Variants in NEURL3 observed in about 807,000 individuals in gnomAD.
The protein encoded by NEURL3 is neuralized E3 ubiquitin protein ligase 3.
In NEURL3, 19 loss-of-function variants were observed where a neutral mutation model predicts 17.6. The ratio of observed to expected loss-of-function variants is 1.08; its 90% CI spans 0.75 to 1.58. The LOEUF is 1.58. NEURL3 is among the 40% of genes most tolerant of loss of function. The probability of loss-of-function intolerance (pLI) is 0.00; values close to 1 mark genes in which losing one functional copy is unlikely to be tolerated. For missense variants in NEURL3, 342 were observed against 379.6 expected (o/e 0.90, Z 0.82); for synonymous variants, 180 against 161.4 (o/e 1.11, Z -0.87).
Position 96,500,672 on chromosome 2 carries a change from G to A in NEURL3, c.281C>T (p.Pro94Leu), listed in dbSNP as rs2065495507. The A allele has an allele frequency of 1.3e-6, 2 of 1,518,166 alleles. No individual in the cohort carries two copies. Among genetic ancestry groups the A allele is most frequent in the East Asian group, 2.5e-5 (1 of 40,076 alleles). The allele number at this position is 1,518,166 out of a possible 1,614,324, so 94.0% of individuals were successfully genotyped here. A position where few individuals can be genotyped will look rare whatever the true frequency, so the allele number is the denominator to read the frequency against. ...CTCCAGGTCGGGGCACAGGAAGGGCGGCAGGCTGGGCACGGACACGCACGC... is the reference window on the plus strand; with the variant it reads ...CTCCAGGTCGGGGCACAGGAAGGGCAGCAGGCTGGGCACGGACACGCACGC... ...DPACVSVPSLPPFLCPDLEEQ... is the reference protein window; with the variant it reads ...DPACVSVPSLLPFLCPDLEEQ... Residue 94 changes from proline to leucine, a missense_variant, in exon 2 of 4, where the codon CCG (proline) becomes CTG (leucine). Coordinates refer to ENST00000451794, the MANE Select transcript of NEURL3 (RefSeq NM_001285485.2).
chr2:96,498,172 G>A lies in NEURL3; in HGVS notation c.*72C>T, dbSNP rs1005708228. On this transcript the variant is annotated 3_prime_UTR_variant, in exon 4 of 4. Coordinates refer to ENST00000451794, the MANE Select transcript of NEURL3 (RefSeq NM_001285485.2). The surrounding 1 kb of genome is among the most constrained non-coding windows in gnomAD (Gnocchi z 4.4). ...TTCCCCAGAAAGAAGGTAGGGCTGC[G>A]CCTCCTTCCTCTCTGCAGGGGCCAG... The A allele has an allele frequency of 8.7e-6, 12 of 1,376,680 alleles. No individual in the cohort carries two copies. In the African/African-American group the frequency reaches 8.7e-5, roughly 10 times the overall value. The allele number at this position is 1,376,680 out of a possible 1,614,324, so 85.3% of individuals were successfully genotyped here. A position where few individuals can be genotyped will look rare whatever the true frequency, so the allele number is the denominator to read the frequency against.
At chr2:96,499,160 T>C (rs2065472399) in intron 3 of NEURL3, 1 of 1,342,654 alleles carries the variant, frequency 7.4e-7, no homozygotes, top group Admixed American at 3.2e-5. Flanking sequence ...AATAACACTG[T>C]CTGTTCATAA....
rs1018118199 is a variant in NEURL3 at position 96,505,179 on chromosome 2, A to G, written c.28+80T>C. Reference sequence around the variant, plus strand: ...TTTACACTGACCACATCTCTACTCCAGCAATGACACAGAGCACCCTCTGCT... The same window carrying G: ...TTTACACTGACCACATCTCTACTCCGGCAATGACACAGAGCACCCTCTGCT... On this transcript the variant is annotated intron_variant, in intron 1 of 3. Transcript: ENST00000451794. 7 of 1,537,646 alleles carry G rather than the reference A, an allele frequency of 4.6e-6. No individual in the cohort carries two copies. In the African/African-American group the frequency reaches 6.8e-5, roughly 15 times the overall value.
At position 96,499,456 on chromosome 2, in the gene NEURL3, CA is replaced by C; in HGVS notation, c.515-8del. On this transcript the variant is annotated splice_region_variant and splice_polypyrimidine_tract_variant and intron_variant, in intron 2 of 3. Transcript: ENST00000451794. ...AGCCGGCTGGCTGTGGGATCTGAGG[CA>C]GAGAGAGAAACTCAGGTCCAGGACG... The C allele has an allele frequency of 6.3e-7, 1 of 1,599,426 alleles. No homozygotes were observed. The highest frequency in any genetic ancestry group is 8.5e-7 in the Non-Finnish European group (1 of 1,179,722).
chr2:96,499,031 G>C (rs541712720), intron 3 of NEURL3: 1 of 251,872 alleles, frequency 4.0e-6, no homozygotes, highest in Admixed American at 6.5e-5. Context: ...TCCTGCCTCG[G>C]CCTCCCAAAG....
Position 96,498,368 on chromosome 2 carries a change from A to G in NEURL3, c.665T>C (p.Phe222Ser), listed in dbSNP as rs781229127. 1.2e-4 allele frequency: 184 copies of G among 1,599,486 alleles called. No individual in the cohort carries two copies. The Middle Eastern group carries it at 1.5e-3, about 13-fold the overall frequency. The change falls in exon 4 of 4, where the codon TTC becomes TCC. Residue 222 changes from phenylalanine (F) to serine (S), a missense_variant. Physicochemically the swap from Phe to Ser is radical, Grantham distance 155. Coordinates refer to ENST00000451794, the MANE Select transcript of NEURL3 (RefSeq NM_001285485.2). This position sits in a 1 kb window ranked among gnomAD's most constrained non-coding sequence, Gnocchi z 4.4. ...TRLVPCGHTYFCRYCAWRVFS... is the reference protein window; with the variant it reads ...TRLVPCGHTYSCRYCAWRVFS... ...GACCCGCCAGGCACAGTATCTGCAGAAGTATGTGTGGCCGCAGGGCACAAG... is the reference window on the plus strand; with the variant it reads ...GACCCGCCAGGCACAGTATCTGCAGGAGTATGTGTGGCCGCAGGGCACAAG...
rs3731938 is a variant in NEURL3, at chr2:96,500,467, A to G, written c.486T>C (p.Tyr162=). 0.66 allele frequency: 1,054,372 copies of G among 1,596,036 alleles called. 352,840 individuals carry two copies. The highest frequency in any genetic ancestry group is 0.88 in the South Asian group (79,688 of 90,738). ...GCAGCTCGATGGCCTTAGTGGTCCC[A>G]TACACGTCCATCACGGCCCAGAGCG... ...GAPLWAVMDV[Y]GTTKAIELLD... Residue 162 remains tyrosine (Y), a synonymous_variant, in exon 2 of 4, where the codon TAT becomes TAC. Transcript: ENST00000451794.
At chr2:96,504,877 C>CAAAAAAAAAATAAAAA (rs2065546882) in intron 1 of NEURL3, among the ~76,000 whole-genome samples, 1 of 55,280 alleles carries the variant, frequency 1.8e-5, no homozygotes, top group African/African-American at 6.3e-5. Flanking sequence ...GACTCCGTCT[C>CAAAAAAAAAATAAAAA]AAAAAAAAAA....
chr2:96,500,853 G>A lies in NEURL3; in HGVS notation c.100C>T (p.Arg34Cys), dbSNP rs1318864484. 6.5e-7 allele frequency: 1 copy of A among 1,534,532 alleles called. No homozygotes were observed. Among genetic ancestry groups the A allele is most frequent in the Admixed American group, 1.9e-5 (1 of 51,378 alleles). ...AKGAQVRLDT[R>C]GCIAHRRTTF... ...GTGCGCCTGTGCGCGATGCAGCCAC[G>A]CGTGTCCAGACGCACCTGTGCGCCC... Residue 34 changes from arginine (R) to cysteine (C), a missense_variant, in exon 2 of 4, where the codon CGT becomes TGT. Transcript: ENST00000451794.
In NEURL3 at chr2:96,500,719, C is replaced by T. The variant is rs1201039480; in HGVS notation, c.234G>A (p.Val78=). 6.6e-7 allele frequency: 1 copy of T among 1,516,518 alleles called. No individual in the cohort carries two copies. The highest frequency in any genetic ancestry group is 8.8e-7 in the Non-Finnish European group (1 of 1,138,556). 93.9% of individuals were successfully genotyped at this position (1,516,518 alleles called of 1,614,324 possible). ...EESGWCGGLR[V]GFTRLDPACV... ...ACGCGGGGTCCAGGCGCGTGAAGCC[C>T]ACGCGGAGGCCGCCGCACCAGCCGC... is the stretch of plus-strand genomic sequence containing the variant. The change falls in exon 2 of 4, where the codon GTG becomes GTA. Residue 78 remains valine, a synonymous_variant. Transcript: ENST00000451794.
chr2:96,500,141 C>T (rs2065487235), intron 2 of NEURL3: 1 of 429,372 alleles, frequency 2.3e-6, no homozygotes, highest in African/African-American at 2.1e-5. Context: ...GCTGCAAAGC[C>T]AGCCCAAATG....
chr2:96,500,011 T>C (rs142905774), intron 2 of NEURL3: 45 of 197,364 alleles, frequency 2.3e-4, no homozygotes, highest in African/African-American at 9.2e-4. Context: ...GGCTCTCTTT[T>C]CCCCCCCACT....
Position 96,498,119 on chromosome 2 carries a change from A to G in NEURL3, c.*125T>C. On this transcript the variant is annotated 3_prime_UTR_variant, in exon 4 of 4. Coordinates refer to ENST00000451794, the MANE Select transcript of NEURL3 (RefSeq NM_001285485.2). This position sits in a 1 kb window ranked among gnomAD's most constrained non-coding sequence, Gnocchi z 4.4. ...CTCCCTGCCTTCCTCTCTCTGCCGC[A>G]CCTCTTGCTAATCAGCCTTTCTGAC... The G allele has an allele frequency of 1.0e-6, 1 of 995,736 alleles. No individual in the cohort carries two copies. Among genetic ancestry groups the G allele is most frequent in the Non-Finnish European group, 1.4e-6 (1 of 699,052 alleles). 61.7% of individuals were successfully genotyped at this position (995,736 alleles called of 1,614,324 possible).
chr2:96,504,886 A>AAAAAAAAAAAAAAAAAAAAG, intron 1 of NEURL3, among the ~76,000 whole-genome samples: 1 of 148,504 alleles, frequency 6.7e-6, no homozygotes, highest in Non-Finnish European at 1.5e-5. Flanking sequence ...TCAAAAAAAA[A>AAAAAAAAAAAAAAAAAAAAG]AAAAAAAAAA....
intron 2 of NEURL3, chr2:96,500,235 A>G (rs2065488160): frequency 1.5e-6 from 1 of 650,458 alleles, no homozygotes. Context: ...TCTGCTTATC[A>G]TTCTTTAGGG....
Position 96,500,503 on chromosome 2 carries a change from G to A in NEURL3, c.450C>T (p.Pro150=). The part of the protein sequence containing the change: ...GCRLLLREGV[P]VGAPLWAVMD... ...TCACGGCCCAGAGCGGGGCGCCGAC[G>A]GGCACGCCCTCACGCAGCAGGAGCC... The change falls in exon 2 of 4, where the codon CCC becomes CCT. Residue 150 remains proline (P), a synonymous_variant. Transcript: ENST00000451794. 3.1e-6 allele frequency: 5 copies of A among 1,592,350 alleles called. No individual in the cohort carries two copies. Among genetic ancestry groups the A allele is most frequent in the South Asian group, 1.1e-5 (1 of 89,928 alleles).
Position 96,500,675 on chromosome 2 carries a change from A to T in NEURL3, c.278T>A (p.Leu93Gln). 6.6e-7 allele frequency: 1 copy of T among 1,518,592 alleles called. No individual in the cohort carries two copies. The highest frequency in any genetic ancestry group is 8.8e-7 in the Non-Finnish European group (1 of 1,140,382). The allele number at this position is 1,518,592 out of a possible 1,614,324, so 94.1% of individuals were successfully genotyped here. The change falls in exon 2 of 4, where the codon CTG becomes CAG. Residue 93 changes from leucine to glutamine, a missense_variant. By Grantham distance (113) the Leu-to-Gln change is moderately radical. Transcript: ENST00000451794. ...LDPACVSVPSLPPFLCPDLEE... is the reference protein window; with the variant it reads ...LDPACVSVPSQPPFLCPDLEE... Reference sequence around the variant, plus strand: ...CAGGTCGGGGCACAGGAAGGGCGGCAGGCTGGGCACGGACACGCACGCGGG... The same window carrying T: ...CAGGTCGGGGCACAGGAAGGGCGGCTGGCTGGGCACGGACACGCACGCGGG...
At position 96,500,898 on chromosome 2, in the gene NEURL3, G is replaced by T. The variant is rs751036256; in HGVS notation, c.55C>A (p.Arg19Ser). The T allele has an allele frequency of 9.6e-6, 15 of 1,566,054 alleles. No homozygotes were observed. Among genetic ancestry groups the T allele is most frequent in the Non-Finnish European group, 1.3e-5 (15 of 1,165,238 alleles). ...ANAKAPREAL[R>S]FHAEAKGAQV... The stretch of plus-strand genomic sequence containing the variant: ...GCGCCCTTGGCCTCGGCATGGAAGC[G>T]AAGTGCCTCTCGGGGCGCCTTGGCG... The change falls in exon 2 of 4, where the codon CGC (arginine) becomes AGC (serine). Residue 19 changes from arginine to serine, a missense_variant. Physicochemically the swap from Arg to Ser is moderately radical, Grantham distance 110. Coordinates refer to ENST00000451794, the MANE Select transcript of NEURL3 (RefSeq NM_001285485.2).
chr2:96,501,388 G>A (rs752597075), intron 1 of NEURL3, among the ~76,000 whole-genome samples: 20 of 151,968 alleles, frequency 1.3e-4, no homozygotes, highest in African/African-American at 3.1e-4. Flanking sequence ...TAAAAATGAC[G>A]GAAGAGGAGA....
Sources: gnomAD v4.1 joint callset for allele counts (sites outside exome capture counted in the v4.1 genomes callset) on GRCh38, gnomAD v4.1.1 for gene constraint, Gnocchi (gnomAD v3.1) non-coding constraint, MANE v1.5 for transcripts, NCBI Gene and HGNC (gene_info 2026-07-23, HGNC 2026-07-21) for gene names.